Variants in MYO9A observed in about 807,000 individuals in gnomAD.
MYO9A encodes myosin IXA.
In MYO9A, 103 loss-of-function variants were observed where a neutral mutation model predicts 293.3. That is an observed-to-expected ratio of 0.35 (90% CI 0.30 to 0.41). The LOEUF is 0.41. MYO9A is among the 10% of genes least tolerant of loss of function. The pLI is 1.00. For missense variants in MYO9A, 2,685 were observed against 3,033.0 expected, an observed-to-expected ratio of 0.89 and a Z score of 2.69; for synonymous variants, 1,001 against 1,035.7, an observed-to-expected ratio of 0.97 and a Z score of 0.64.
At chr15:71,872,369 A>C (rs1323072083) in intron 32 of MYO9A, among the ~76,000 whole-genome samples, 1 of 152,138 alleles carries the variant, frequency 6.6e-6, no homozygotes, top group African/African-American at 2.4e-5. Context: ...TCTAATTATA[A>C]ATCACACAAA....
At chr15:71,921,096 G>T (rs2058144866) in intron 18 of MYO9A, among the ~76,000 whole-genome samples, 1 of 152,094 alleles carries the variant, frequency 6.6e-6, no homozygotes, top group Non-Finnish European at 1.5e-5. Context: ...CTAAAACAAT[G>T]TAACTAAAAA....
At chr15:71,963,771 C>T (rs1412443316) in intron 13 of MYO9A, among the ~76,000 whole-genome samples, 1 of 152,122 alleles carries the variant, frequency 6.6e-6, no homozygotes, top group East Asian at 1.9e-4. Flanking sequence ...CGCCCAAATG[C>T]AAATTTCCAG....
intron 1 of MYO9A, among the ~76,000 whole-genome samples, chr15:72,083,238 TGA>T (rs1252282828): frequency 6.6e-6 from 1 of 152,174 alleles, no homozygotes; most frequent in Non-Finnish European, 1.5e-5. Context: ...TCTTCCTGGT[TGA>T]GTCTTAGGAA....
At chr15:72,017,099 T>G (rs2077365992) in intron 6 of MYO9A, among the ~76,000 whole-genome samples, 1 of 146,936 alleles carries the variant, frequency 6.8e-6, no homozygotes, top group African/African-American at 2.5e-5. Flanking sequence ...TGTCTCGCTG[T>G]AGCCTCAACC....
chr15:71,942,849 C>A (rs1018337101), intron 15 of MYO9A, among the ~76,000 whole-genome samples: 14 of 151,948 alleles, frequency 9.2e-5, no homozygotes, highest in African/African-American at 3.4e-4. Context: ...TTTATATATA[C>A]ATTTACCAAG....
At position 72,045,830 on chromosome 15, in the gene MYO9A, T is replaced by C. The variant is rs943826965; in HGVS notation, c.734A>G (p.Lys245Arg). 3 of 1,614,188 alleles carry C rather than the reference T, an allele frequency of 1.9e-6. No individual in the cohort carries two copies. The highest frequency in any genetic ancestry group is 2.5e-6 in the Non-Finnish European group (3 of 1,180,030). ...IVISGESGSGKTQSTNFLIHH... is the reference protein window; with the variant it reads ...IVISGESGSGRTQSTNFLIHH... ...AATAAGAAAGTTTGTGCTTTGAGTC[T>C]TCCCAGAACCACTCTCTCCTGAAAT... is the stretch of plus-strand genomic sequence containing the variant. Residue 245 changes from lysine (K) to arginine (R), a missense_variant, in exon 2 of 42, where the codon AAG becomes AGG. Coordinates refer to ENST00000356056, the MANE Select transcript of MYO9A (RefSeq NM_006901.4).
chr15:72,035,071 A>G (rs2078001265), intron 2 of MYO9A, among the ~76,000 whole-genome samples: 2 of 152,182 alleles, frequency 1.3e-5, no homozygotes, highest in African/African-American at 4.8e-5. Flanking sequence ...ACTACTACAC[A>G]CCTATTAGAA....
intron 1 of MYO9A, among the ~76,000 whole-genome samples, chr15:72,065,961 G>C (rs903373523): frequency 7.2e-5 from 11 of 152,158 alleles, no homozygotes; most frequent in Admixed American, 7.2e-4. Flanking sequence ...TTAGTTTAAG[G>C]AGTGGAAGGT....
chr15:72,086,590 G>A (rs1017661192), intron 1 of MYO9A, among the ~76,000 whole-genome samples: 5 of 151,734 alleles, frequency 3.3e-5, no homozygotes, highest in African/African-American at 4.8e-5. Context: ...CTGGCGAGGC[G>A]AGGGAAAGCA....
At chr15:71,965,112 A>C (rs2075840447) in intron 13 of MYO9A, among the ~76,000 whole-genome samples, 1 of 151,630 alleles carries the variant, frequency 6.6e-6, no homozygotes, top group South Asian at 2.1e-4. Context: ...AAATATTATA[A>C]TTTTAATAAT....
At chr15:71,861,578 T>TATCCATCC (rs199561922) in intron 33 of MYO9A, among the ~76,000 whole-genome samples, 17 of 147,650 alleles carry the variant, frequency 1.2e-4, no homozygotes, top group African/African-American at 3.7e-4. Flanking sequence ...TTTATTCATT[T>TATCCATCC]ATCCATCCAT....
At chr15:72,077,182 A>C (rs2079380397) in intron 1 of MYO9A, among the ~76,000 whole-genome samples, 2 of 152,198 alleles carry the variant, frequency 1.3e-5, no homozygotes, top group Non-Finnish European at 1.5e-5. Context: ...ATGACAGTAT[A>C]AGAGAAAATC....
Position 72,017,830 on chromosome 15 carries a change from T to C in MYO9A, c.1155+1209A>G, listed in dbSNP as rs866599512. ...CATTAATTAATAGACATAGGAAGAT[T>C]AGTATGTGTTTTCAGCCTTTTTACA... On this transcript the variant is annotated intron_variant, in intron 6 of 41. Transcript: ENST00000356056. Among the ~76,000 whole-genome samples, 3 of 152,092 alleles carry C rather than the reference T, an allele frequency of 2.0e-5. No homozygotes were observed. In the East Asian group the frequency reaches 5.8e-4, roughly 29 times the overall value.
At chr15:71,978,790 T>TA (rs397704422) in intron 11 of MYO9A, among the ~76,000 whole-genome samples, 5 of 151,420 alleles carry the variant, frequency 3.3e-5, no homozygotes, top group African/African-American at 4.9e-5. Flanking sequence ...TTTTTTTTTT[T>TA]AAAGAAAAGG....
rs778332286 is a variant in MYO9A, at chr15:71,883,740, T to C, written c.5256-4A>G. 10 of 1,601,308 alleles carry C rather than the reference T, an allele frequency of 6.2e-6. No homozygotes were observed. In the Admixed American group the frequency reaches 7.1e-5, roughly 11 times the overall value. On this transcript the variant is annotated splice_region_variant and splice_polypyrimidine_tract_variant and intron_variant, in intron 27 of 41. Transcript: ENST00000356056. ...TCTCATCTTAGCTCTCTGAGGTCTG[T>C]TTAAAGAAATAAAGGTAAAAATGGA...
intron 14 of MYO9A, among the ~76,000 whole-genome samples, chr15:71,956,326 A>ATATATATATATATATAT (rs1371050523): frequency 1.0e-4 from 1 of 9,888 alleles, no homozygotes; most frequent in East Asian, 1.1e-3. Context: ...AAAAAAAAAA[A>ATATATATATATATATAT]AAAAATATAT....
intron 11 of MYO9A, among the ~76,000 whole-genome samples, chr15:71,982,192 T>C (rs2076292853): frequency 6.6e-6 from 1 of 151,816 alleles, no homozygotes; most frequent in Admixed American, 6.6e-5. Context: ...GCTAACTTTT[T>C]TGTATTTTTA....
intron 34 of MYO9A, among the ~76,000 whole-genome samples, chr15:71,856,793 A>T (rs918541359): frequency 1.4e-4 from 21 of 152,230 alleles, no homozygotes; most frequent in Non-Finnish European, 2.9e-4. Flanking sequence ...TCTAAGGCAG[A>T]ATAGGACACA....
At chr15:72,023,668 C>T (rs2149263888) in intron 4 of MYO9A, among the ~76,000 whole-genome samples, 1 of 142,480 alleles carries the variant, frequency 7.0e-6, no homozygotes, top group Non-Finnish European at 1.5e-5. Context: ...GCACTCCAGC[C>T]TGGGCGACAA....
Sources: gnomAD v4.1 joint callset for allele counts (sites outside exome capture counted in the v4.1 genomes callset) on GRCh38, gnomAD v4.1.1 for gene constraint, MANE v1.5 for transcripts, NCBI Gene and HGNC (gene_info 2026-07-23, HGNC 2026-07-21) for gene names.